The following SESTD1 variants were observed in gnomAD, a reference collection of about 807,000 sequenced individuals.
SESTD1 encodes SEC14 and spectrin domain containing 1, also known as SEC14 domain and spectrin repeat-containing protein 1.
SESTD1 carries 43 observed loss-of-function variants against 101.7 expected under a neutral mutation model. The observed-to-expected ratio is 0.42, with a 90% CI of 0.33 to 0.55. The LOEUF is 0.55. SESTD1 is among the 20% of genes least tolerant of loss of function. The probability of loss-of-function intolerance (pLI) is 0.07; values close to 1 mark genes in which losing one functional copy is unlikely to be tolerated. For missense variants in SESTD1, 647 were observed against 815.1 expected, an observed-to-expected ratio of 0.79 and a Z score of 2.51; for synonymous variants, 283 against 286.8, an observed-to-expected ratio of 0.99 and a Z score of 0.13.
At chr2:179,120,742 TTGAAAATAAA>T (rs2154393960) in intron 13 of SESTD1, among the ~76,000 whole-genome samples, 1 of 152,044 alleles carries the variant, frequency 6.6e-6, no homozygotes, top group East Asian at 1.9e-4. Context: ...CTGAAAAGAG[TTGAAAATAAA>T]TTGGAGGTAG....
intron 9 of SESTD1, among the ~76,000 whole-genome samples, chr2:179,142,213 G>A (rs146539507): frequency 7.9e-5 from 12 of 152,324 alleles, no homozygotes; most frequent in African/African-American, 2.9e-4. Flanking sequence ...AGCCACAGCT[G>A]CAAGAAAGAC....
At chr2:179,246,485 C>T (rs1260688948) in intron 1 of SESTD1, among the ~76,000 whole-genome samples, 1 of 152,138 alleles carries the variant, frequency 6.6e-6, no homozygotes, top group South Asian at 2.1e-4. Context: ...GTATCTCTCG[C>T]TCTCTTTCTC....
intron 5 of SESTD1, among the ~76,000 whole-genome samples, chr2:179,171,728 T>C (rs1362481243): frequency 6.6e-6 from 1 of 152,152 alleles, no homozygotes; most frequent in Non-Finnish European, 1.5e-5. Flanking sequence ...GTATTAAAAC[T>C]GGCCAGATAC....
chr2:179,176,034 A>C (rs1450432404), intron 4 of SESTD1, among the ~76,000 whole-genome samples: 1 of 152,176 alleles, frequency 6.6e-6, no homozygotes, highest in Non-Finnish European at 1.5e-5. Flanking sequence ...GAATCACCTG[A>C]GAAGTTTCTT....
chr2:179,233,382 T>C (rs1029819555), intron 1 of SESTD1, among the ~76,000 whole-genome samples: 3 of 152,188 alleles, frequency 2.0e-5, no homozygotes, highest in Admixed American at 6.5e-5. Flanking sequence ...ATACGGAAAG[T>C]GCAGAAGGAG....
intron 9 of SESTD1, among the ~76,000 whole-genome samples, chr2:179,139,183 T>C (rs2045222564): frequency 6.6e-6 from 1 of 152,182 alleles, no homozygotes; most frequent in Non-Finnish European, 1.5e-5. Context: ...AATTTCACTC[T>C]TCGATTCCCC....
chr2:179,181,991 T>TAAAAAAAAA (rs35017699), intron 3 of SESTD1, among the ~76,000 whole-genome samples: 1 of 139,624 alleles, frequency 7.2e-6, no homozygotes. Flanking sequence ...TCCACAATAT[T>TAAAAAAAAA]AAAAAAAAAA....
At chr2:179,248,096 C>T (rs947537857) in intron 1 of SESTD1, among the ~76,000 whole-genome samples, 2 of 151,630 alleles carry the variant, frequency 1.3e-5, no homozygotes, top group African/African-American at 4.9e-5. Context: ...CACAGATTAC[C>T]AGTATCTGGA....
At chr2:179,178,663 T>TGGCAACAATGCA (rs1420614587) in intron 3 of SESTD1, among the ~76,000 whole-genome samples, 1 of 152,046 alleles carries the variant, frequency 6.6e-6, no homozygotes, top group Non-Finnish European at 1.5e-5. Context: ...TCTGGAGTAG[T>TGGCAACAATGCA]GGCAACAATG....
rs1395706947 is a variant in SESTD1, at chr2:179,127,563, T to C, written c.973-3005A>G. Among the ~76,000 whole-genome samples, 8 of 152,316 alleles carry C rather than the reference T, an allele frequency of 5.3e-5. No homozygotes were observed. The East Asian group carries it at 1.5e-3, about 29-fold the overall frequency. ...ACATGTGGCAGTGTCTGGAAACATT[T>C]TGGGTTATCACAACTGAGGAATGGG... On this transcript the variant is annotated intron_variant, in intron 10 of 17. Transcript: ENST00000428443.
At chr2:179,162,001 A>C (rs1463479386) in intron 5 of SESTD1, among the ~76,000 whole-genome samples, 1 of 152,226 alleles carries the variant, frequency 6.6e-6, no homozygotes, top group Non-Finnish European at 1.5e-5. Flanking sequence ...CAATTTACAC[A>C]CTTAGTAATA....
At chr2:179,175,167 A>T (rs1373259822) in intron 4 of SESTD1, among the ~76,000 whole-genome samples, 1 of 152,096 alleles carries the variant, frequency 6.6e-6, no homozygotes, top group Admixed American at 6.5e-5. Context: ...AGCCTCGTTG[A>T]CCTCTGTAAG....
intron 16 of SESTD1, among the ~76,000 whole-genome samples, chr2:179,114,359 G>A (rs1257057760): frequency 6.6e-6 from 1 of 152,008 alleles, no homozygotes; most frequent in Admixed American, 6.6e-5. Flanking sequence ...AAAGTGTATC[G>A]AACATTCCCT....
chr2:179,115,315 GA>G, intron 15 of SESTD1, 59 bp from the exon 16 acceptor site: 1 of 1,326,910 alleles, frequency 7.5e-7, no homozygotes, highest in Non-Finnish European at 1.0e-6. Context: ...GAAGGATGGG[GA>G]AAGTGTGCAG....
intron 10 of SESTD1, among the ~76,000 whole-genome samples, chr2:179,130,212 C>G (rs970239079): frequency 2.0e-5 from 3 of 152,040 alleles, no homozygotes; most frequent in Admixed American, 6.6e-5. Flanking sequence ...AAGGATCCCC[C>G]CTGGGTATCA....
At chr2:179,170,170 A>G (rs2045905738) in intron 5 of SESTD1, among the ~76,000 whole-genome samples, 1 of 151,846 alleles carries the variant, frequency 6.6e-6, no homozygotes, top group Admixed American at 6.6e-5. Context: ...AAGTCTGATT[A>G]ATAAAAGAAA....
intron 13 of SESTD1, among the ~76,000 whole-genome samples, chr2:179,119,191 T>C (rs1255547620): frequency 1.3e-5 from 2 of 152,162 alleles, no homozygotes; most frequent in Non-Finnish European, 2.9e-5. Context: ...TACACTTATA[T>C]ACAAAAAGCT....
intron 1 of SESTD1, among the ~76,000 whole-genome samples, chr2:179,238,759 T>C (rs74507596): frequency 0.031 from 4,774 of 152,260 alleles, 250 homozygotes; most frequent in African/African-American, 0.11. Context: ...AATTTCTTCT[T>C]CCTCAGAGGA....
At chr2:179,126,552 A>C (rs1305921555) in intron 10 of SESTD1, among the ~76,000 whole-genome samples, 5 of 152,060 alleles carry the variant, frequency 3.3e-5, no homozygotes, top group Non-Finnish European at 7.4e-5. Context: ...CTTTAAATAG[A>C]TCTATAGGCT....
Sources: gnomAD v4.1 joint callset for allele counts (sites outside exome capture counted in the v4.1 genomes callset) on GRCh38, gnomAD v4.1.1 for gene constraint, MANE v1.5 for transcripts, NCBI Gene and HGNC (gene_info 2026-07-23, HGNC 2026-07-21) for gene names.